TUT4: variants seen among roughly 807,000 people sequenced by gnomAD.
TUT4 encodes terminal uridylyl transferase 4, also known as terminal uridylyltransferase 4.
A neutral mutation model predicts 192.2 loss-of-function variants in TUT4; 36 were observed. The observed-to-expected ratio is 0.19, with a 90% CI of 0.14 to 0.25. The LOEUF is 0.25. TUT4 is among the 10% of genes least tolerant of loss of function. The pLI is 1.00. For synonymous variants in TUT4, 618 were observed against 666.0 expected (o/e 0.93, Z 1.11); for missense variants, 1,493 against 1,957.2 (o/e 0.76, Z 4.47).
At chr1:52,446,079 A>G in intron 22 of TUT4, 75 bp from the exon 23 acceptor site, 2 of 1,424,776 alleles carry the variant, frequency 1.4e-6, no homozygotes, top group Non-Finnish European at 1.9e-6. Flanking sequence ...GTCACCGCTG[A>G]AGTCTAATAC....
chr1:52,430,349 C>A (rs1651668035), intron 28 of TUT4, among the ~76,000 whole-genome samples: 1 of 152,102 alleles, frequency 6.6e-6, no homozygotes, highest in Admixed American at 6.6e-5. Flanking sequence ...ATGGCGCAAT[C>A]TCGGCTCACT....
intron 15 of TUT4, among the ~76,000 whole-genome samples, chr1:52,466,710 G>A (rs1481535957): frequency 1.4e-5 from 2 of 144,104 alleles, no homozygotes; most frequent in South Asian, 2.1e-4. Flanking sequence ...CGCTCTTGTC[G>A]CCCAGGCTGG....
At chr1:52,482,619 T>C (rs1452089165) in intron 9 of TUT4, among the ~76,000 whole-genome samples, 1 of 152,026 alleles carries the variant, frequency 6.6e-6, no homozygotes. Context: ...AGACTATTTG[T>C]AGACAAATTT....
chr1:52,549,072 A>G (rs1688764095), intron 1 of TUT4, among the ~76,000 whole-genome samples: 1 of 152,230 alleles, frequency 6.6e-6, no homozygotes, highest in African/African-American at 2.4e-5. Context: ...ATAAAAGTCT[A>G]GAATATAGGG....
intron 2 of TUT4, among the ~76,000 whole-genome samples, chr1:52,522,853 A>G (rs1680649319): frequency 6.6e-6 from 1 of 152,004 alleles, no homozygotes; most frequent in Admixed American, 6.6e-5. Flanking sequence ...TTGAACTCAG[A>G]GGCAGAGGTT....
intron 1 of TUT4, among the ~76,000 whole-genome samples, chr1:52,550,146 AATG>A (rs1689041962): frequency 6.6e-6 from 1 of 152,196 alleles, no homozygotes; most frequent in African/African-American, 2.4e-5. Context: ...ACTCTGCAGA[AATG>A]ATGGTTTTTA....
chr1:52,463,102 C>T (rs537050690), intron 16 of TUT4: 1 of 982,820 alleles, frequency 1.0e-6, no homozygotes, highest in Admixed American at 6.1e-5. Context: ...AATTATGGCT[C>T]ATCTGAAAGA....
In TUT4 at chr1:52,436,864, G is replaced by C. The variant is rs777747651; in HGVS notation, c.4053C>G (p.Asp1351Glu). ...LDPRDLHDTR[D>E]FRDPRDLRCF... is the part of the protein sequence containing the mutation. The stretch of plus-strand genomic sequence containing the variant: ...ATCTGAGGTCTCTCGGGTCTCTAAA[G>C]TCTCGAGTATCGTGGAGGTCTCGGG... The change falls in exon 26 of 30, where the codon GAC becomes GAG. Residue 1351 changes from aspartate (D) to glutamate (E), a missense_variant. This residue lies in a region of TUT4 where 351 missense variants were observed against 397.8 expected (regional missense o/e 0.88). Coordinates refer to ENST00000257177, the MANE Select transcript of TUT4 (RefSeq NM_001009881.3). 1 of 1,613,714 alleles carries C rather than the reference G, an allele frequency of 6.2e-7. No homozygotes were observed. The highest frequency in any genetic ancestry group is 1.1e-5 in the South Asian group (1 of 91,032).
chr1:52,534,293 G>A (rs1441422875), intron 1 of TUT4, among the ~76,000 whole-genome samples: 1 of 152,092 alleles, frequency 6.6e-6, no homozygotes, highest in East Asian at 1.9e-4. Flanking sequence ...CTGGCACTCG[G>A]TATCAGTAAA....
chr1:52,485,921 G>GATA lies in TUT4; in HGVS notation c.1515+2985_1515+2987dup, dbSNP rs1252039040. On this transcript the variant is annotated intron_variant, in intron 9 of 29. Coordinates refer to ENST00000257177, the MANE Select transcript of TUT4 (RefSeq NM_001009881.3). Reference sequence around the variant, plus strand: ...TCTTCTGTAGACAATGAAGATTTAGGATAATAATAATAATATAGAGTAATT... The same window carrying GATA: ...TCTTCTGTAGACAATGAAGATTTAGGATAATAATAATAATAATATAGAGTAATT... Among the ~76,000 whole-genome samples, 4 of 151,756 alleles carry GATA rather than the reference G, an allele frequency of 2.6e-5. No homozygotes were observed. The South Asian group carries it at 8.3e-4, about 32-fold the overall frequency.
chr1:52,546,968 C>T (rs963012942), intron 1 of TUT4, among the ~76,000 whole-genome samples: 2 of 151,622 alleles, frequency 1.3e-5, no homozygotes, highest in Non-Finnish European at 2.9e-5. Flanking sequence ...CCTGTCTCTA[C>T]AAAAATAAAT....
chr1:52,492,666 T>C (rs1385021015), intron 7 of TUT4, among the ~76,000 whole-genome samples: 7 of 152,254 alleles, frequency 4.6e-5, no homozygotes, highest in Non-Finnish European at 8.8e-5. Flanking sequence ...ATCTTAAGCA[T>C]TCACTTTGTA....
At chr1:52,547,161 A>C (rs1244255781) in intron 1 of TUT4, among the ~76,000 whole-genome samples, 1 of 149,562 alleles carries the variant, frequency 6.7e-6, no homozygotes, top group Non-Finnish European at 1.5e-5. Flanking sequence ...TGTCTCAAAA[A>C]AAAAAGTGGG....
chr1:52,512,176 AACTGACCTTG>A (rs1677361432), intron 3 of TUT4, among the ~76,000 whole-genome samples: 2 of 152,192 alleles, frequency 1.3e-5, no homozygotes, highest in African/African-American at 2.4e-5. Context: ...AGGACATCTC[AACTGACCTTG>A]GATAAAGCTG....
intron 4 of TUT4, among the ~76,000 whole-genome samples, chr1:52,509,164 A>C (rs142241881): frequency 5.2e-4 from 79 of 152,320 alleles, no homozygotes; most frequent in African/African-American, 1.7e-3. Flanking sequence ...TTCTAGATCA[A>C]GTAAAATATC....
chr1:52,429,916 ATATT>A (rs1439870052), intron 28 of TUT4, among the ~76,000 whole-genome samples: 1 of 151,818 alleles, frequency 6.6e-6, no homozygotes, highest in Non-Finnish European at 1.5e-5. Flanking sequence ...GTGTGTATAA[ATATT>A]TATATGTATG....
chr1:52,465,459 C>T (rs41305854), intron 15 of TUT4, among the ~76,000 whole-genome samples: 2,653 of 152,286 alleles, frequency 0.017, 37 homozygotes, highest in Non-Finnish European at 0.026. Flanking sequence ...TTTCTATTAT[C>T]CCTGTTCTTA....
chr1:52,510,127 C>T (rs1027953410), intron 3 of TUT4, among the ~76,000 whole-genome samples: 16 of 151,812 alleles, frequency 1.1e-4, no homozygotes, highest in African/African-American at 3.4e-4. Context: ...GACTGGACAA[C>T]ATGGAGAAAC....
intron 14 of TUT4, among the ~76,000 whole-genome samples, chr1:52,470,660 T>C (rs1222662182): frequency 6.6e-6 from 1 of 152,126 alleles, no homozygotes; most frequent in Non-Finnish European, 1.5e-5. Flanking sequence ...AAAGAATACA[T>C]TCTGTATAAT....
Sources: gnomAD v4.1 joint callset for allele counts (sites outside exome capture counted in the v4.1 genomes callset) on GRCh38, gnomAD v4.1.1 for gene constraint, gnomAD v4.1.1 regional missense constraint, MANE v1.5 for transcripts, NCBI Gene and HGNC (gene_info 2026-07-23, HGNC 2026-07-21) for gene names.